TMEM272: variants seen among roughly 807,000 people sequenced by gnomAD.
The protein encoded by TMEM272 is long intergenic non-protein coding RNA 282.
In TMEM272, 8 loss-of-function variants were observed where a neutral mutation model predicts 3.7. The observed-to-expected ratio is 2.17, with a 90% CI of 1.27 to 3.91. The LOEUF is 3.91. TMEM272 is among the 30% of genes most tolerant of loss of function. TMEM272 has a pLI of 0.00. For synonymous variants in TMEM272, 63 were observed against 39.8 expected, an observed-to-expected ratio of 1.58 and a Z score of -2.20; for missense variants, 166 against 91.5, an observed-to-expected ratio of 1.81 and a Z score of -3.32.
chr13:51,934,293 AGGTAAAC>A, the TMEM272 span: 1 of 269,266 alleles, frequency 3.7e-6, no homozygotes, highest in Non-Finnish European at 7.4e-6. Flanking sequence ...GGCACACCTG[AGGTAAAC>A]TGTGGTCTCA....
the TMEM272 span, among the ~76,000 whole-genome samples, chr13:51,870,019 C>T: frequency 2.6e-5 from 4 of 152,216 alleles, no homozygotes; most frequent in African/African-American, 4.8e-5. Context: ...CTTTGACCCT[C>T]TCTGGATTCG....
chr13:51,885,848 T>G, the TMEM272 span, among the ~76,000 whole-genome samples: 1 of 152,200 alleles, frequency 6.6e-6, no homozygotes, highest in Admixed American at 6.5e-5. Flanking sequence ...ATCCCAGATT[T>G]CAGTCTCTGT....
the TMEM272 span, among the ~76,000 whole-genome samples, chr13:51,886,925 T>G: frequency 6.6e-6 from 1 of 152,202 alleles, no homozygotes; most frequent in Admixed American, 6.5e-5. Flanking sequence ...CTTAGCTGAC[T>G]CCTCAAAACT....
rs554124475 is a variant in TMEM272, at chr13:51,823,263, A to C, written c.119-1126T>G. ...ACAGCTAATTCTTTTTTTCTTGTAG[A>C]GAAGAAGGACTCACTATGTTGCCCA... On this transcript the variant is annotated intron_variant, in intron 3 of 4. Coordinates refer to ENST00000629372, the MANE Select transcript of TMEM272 (RefSeq NM_001351003.2). 1.3e-4 allele frequency among the ~76,000 whole-genome samples: 20 copies of C among 152,334 alleles called. 1 individual carries two copies. The South Asian group carries it at 3.1e-3, about 24-fold the overall frequency.
chr13:51,823,213 G>A (rs1045322567), intron 3 of TMEM272, among the ~76,000 whole-genome samples: 1 of 152,196 alleles, frequency 6.6e-6, no homozygotes, highest in African/African-American at 2.4e-5. Flanking sequence ...TGAGTATCTG[G>A]GATCACAGGG....
the TMEM272 span, chr13:51,862,041 GTC>G: frequency 6.6e-6 from 1 of 152,208 alleles, no homozygotes; most frequent in South Asian, 2.1e-4. Context: ...TTTCCTTAAA[GTC>G]TTTTATAGGG....
At chr13:51,875,521 T>C in the TMEM272 span, among the ~76,000 whole-genome samples, 6 of 152,166 alleles carry the variant, frequency 3.9e-5, no homozygotes, top group Non-Finnish European at 8.8e-5. Flanking sequence ...CCAAGGCCTT[T>C]ACCACACATG....
the TMEM272 span, chr13:51,909,044 A>C: frequency 6.8e-7 from 1 of 1,480,090 alleles, no homozygotes; most frequent in South Asian, 1.1e-5. Flanking sequence ...CTCTCGTTTC[A>C]GATGAAGGCC....
chr13:51,929,546 G>T, the TMEM272 span, among the ~76,000 whole-genome samples: 1 of 152,196 alleles, frequency 6.6e-6, no homozygotes, highest in African/African-American at 2.4e-5. Flanking sequence ...AAGCCACACT[G>T]TCCTGCCAAA....
chr13:51,869,705 G>A, the TMEM272 span, among the ~76,000 whole-genome samples: 11 of 152,118 alleles, frequency 7.2e-5, no homozygotes, highest in African/African-American at 2.6e-4. Context: ...GTCCAGGCTG[G>A]TCTCCAACTC....
chr13:51,860,365 TG>T, the TMEM272 span, among the ~76,000 whole-genome samples: 3 of 152,036 alleles, frequency 2.0e-5, no homozygotes, highest in Non-Finnish European at 2.9e-5. Context: ...CAAGGCCAGG[TG>T]TGATGGCTCA....
At chr13:51,865,554 G>A in the TMEM272 span, 67 of 1,614,032 alleles carry the variant, frequency 4.2e-5, no homozygotes, top group Non-Finnish European at 5.2e-5. Flanking sequence ...AAAATTTTTC[G>A]TGAAAAAATA....
chr13:51,928,229 A>T, the TMEM272 span, among the ~76,000 whole-genome samples: 1 of 152,160 alleles, frequency 6.6e-6, no homozygotes, highest in Non-Finnish European at 1.5e-5. Flanking sequence ...CAACATAGAA[A>T]GGTGGCTTTT....
intron 1 of TMEM272, among the ~76,000 whole-genome samples, chr13:51,839,939 C>T (rs1956247571): frequency 6.6e-6 from 1 of 152,214 alleles, no homozygotes; most frequent in Non-Finnish European, 1.5e-5. Flanking sequence ...TTTATGTCAA[C>T]AGGACCTTTA....
chr13:51,843,572 T>C (rs1253222498), intron 1 of TMEM272, among the ~76,000 whole-genome samples: 2 of 152,270 alleles, frequency 1.3e-5, no homozygotes, highest in Non-Finnish European at 2.9e-5. Flanking sequence ...ATACCTTCTA[T>C]ATCTTCTACT....
chr13:51,825,995 A>T (rs1956121635), intron 3 of TMEM272, among the ~76,000 whole-genome samples: 1 of 151,928 alleles, frequency 6.6e-6, no homozygotes. Context: ...GATTAATTTC[A>T]CTGACACGTG....
At chr13:51,918,542 G>C in the TMEM272 span, among the ~76,000 whole-genome samples, 327 of 152,288 alleles carry the variant, frequency 2.1e-3, no homozygotes, top group African/African-American at 7.5e-3. Context: ...TTCAGGGTGG[G>C]TATATGGGGA....
rs958948499 is a variant in TMEM272, at chr13:51,841,090, C to A, written c.-23-2537G>T. Among the ~76,000 whole-genome samples, 3 of 152,218 alleles carry A rather than the reference C, an allele frequency of 2.0e-5. No individual in the cohort carries two copies. In the East Asian group the frequency reaches 5.8e-4, roughly 29 times the overall value. ...GTCACAGAAGCTAAGCCACTTAAAA[C>A]CCTGCCTGGAAAAACAACCCTCCTG... On this transcript the variant is annotated intron_variant, in intron 1 of 4. Transcript: ENST00000629372.
the TMEM272 span, among the ~76,000 whole-genome samples, chr13:51,859,187 A>C: frequency 6.6e-6 from 1 of 152,036 alleles, no homozygotes; most frequent in African/African-American, 2.4e-5. Flanking sequence ...AAAAAAAAAA[A>C]AAATGGTAAT....
Sources: gnomAD v4.1 joint callset for allele counts (sites outside exome capture counted in the v4.1 genomes callset) on GRCh38, gnomAD v4.1.1 for gene constraint, MANE v1.5 for transcripts, NCBI Gene and HGNC (gene_info 2026-07-23, HGNC 2026-07-21) for gene names.